MAN2A1: variants seen among roughly 807,000 people sequenced by gnomAD.
MAN2A1 encodes the protein alpha-mannosidase 2.
Under a neutral mutation model 142.6 loss-of-function variants are expected in MAN2A1, and 76 were observed. That is an observed-to-expected ratio of 0.53 (90% CI 0.44 to 0.65). MAN2A1 has a LOEUF of 0.65. MAN2A1 is among the 30% of genes least tolerant of loss of function. The probability of loss-of-function intolerance (pLI) is 0.00; values close to 1 mark genes in which losing one functional copy is unlikely to be tolerated. For missense variants in MAN2A1, 1,311 were observed against 1,365.1 expected (o/e 0.96, Z 0.62); for synonymous variants, 559 against 473.2 (o/e 1.18, Z -2.35).
chr5:109,780,038 G>A (rs912001920), intron 8 of MAN2A1, among the ~76,000 whole-genome samples: 8 of 151,822 alleles, frequency 5.3e-5, no homozygotes, highest in African/African-American at 1.9e-4. Context: ...TACCATTATT[G>A]GCCAGTCATG....
intron 3 of MAN2A1, among the ~76,000 whole-genome samples, chr5:109,723,852 C>A (rs1022483569): frequency 5.3e-5 from 8 of 152,198 alleles, no homozygotes; most frequent in African/African-American, 1.7e-4. Flanking sequence ...GATGACTAAT[C>A]TAAGAATCTT....
intron 1 of MAN2A1, among the ~76,000 whole-genome samples, chr5:109,707,432 C>T (rs1375511172): frequency 6.6e-6 from 1 of 151,754 alleles, no homozygotes; most frequent in African/African-American, 2.4e-5. Context: ...CTGCTGTGTG[C>T]TAGGTAGGTA....
chr5:109,733,369 A>G (rs533713993), intron 4 of MAN2A1, among the ~76,000 whole-genome samples: 202 of 152,186 alleles, frequency 1.3e-3, no homozygotes, highest in African/African-American at 4.2e-3. Flanking sequence ...TCTCCTGCCT[A>G]ATTTCCCTGG....
chr5:109,699,929 T>C (rs1382412566), intron 1 of MAN2A1: 2 of 152,234 alleles, frequency 1.3e-5, no homozygotes, highest in Non-Finnish European at 1.5e-5. Context: ...GCAGTATATG[T>C]CAGGTAGTTT....
At chr5:109,706,277 A>G (rs1198545132) in intron 1 of MAN2A1, among the ~76,000 whole-genome samples, 1 of 152,228 alleles carries the variant, frequency 6.6e-6, no homozygotes, top group Non-Finnish European at 1.5e-5. Flanking sequence ...GGTTGGCTTC[A>G]GAGTCTGTTC....
intron 4 of MAN2A1, among the ~76,000 whole-genome samples, chr5:109,746,352 A>G (rs1158792976): frequency 2.0e-5 from 3 of 152,188 alleles, no homozygotes; most frequent in Non-Finnish European, 2.9e-5. Context: ...AGTTTAATTT[A>G]CTTTTTAATA....
chr5:109,854,910 A>G (rs535634688), intron 19 of MAN2A1: 47 of 358,498 alleles, frequency 1.3e-4, no homozygotes, highest in African/African-American at 9.0e-4. Context: ...TATTAAATCA[A>G]TGGAAGATAT....
At chr5:109,735,560 G>A (rs1266727504) in intron 4 of MAN2A1, among the ~76,000 whole-genome samples, 1 of 152,008 alleles carries the variant, frequency 6.6e-6, no homozygotes, top group Non-Finnish European at 1.5e-5. Flanking sequence ...CCACTGTCTG[G>A]CACTCTCTAG....
intron 12 of MAN2A1, among the ~76,000 whole-genome samples, chr5:109,799,651 G>A (rs895381126): frequency 1.2e-4 from 18 of 152,008 alleles, no homozygotes; most frequent in Admixed American, 3.3e-4. Flanking sequence ...CTACTTGGGA[G>A]GCTAAAGCAG....
In MAN2A1 at chr5:109,866,870, A is replaced by C. The variant is rs1755896157; in HGVS notation, c.3307A>C (p.Lys1103Gln). Residue 1103 changes from lysine (K) to glutamine (Q), a missense_variant, in exon 22 of 22, where the codon AAG becomes CAG. Physicochemically the swap from Lys to Gln is moderately conservative, Grantham distance 53 (BLOSUM62 1). This residue lies in a region of MAN2A1 where 890 missense variants were observed against 920.5 expected (regional missense o/e 0.97). Transcript: ENST00000261483. ...GKILVQKLLN[K>Q]FIVESLTPSS... ...GATATTGGTACAGAAACTTTTAAACAAGTTTATTGTCGAAAGTCTCACACC... is the reference window on the plus strand; with the variant it reads ...GATATTGGTACAGAAACTTTTAAACCAGTTTATTGTCGAAAGTCTCACACC... The C allele has an allele frequency of 6.2e-7, 1 of 1,608,164 alleles. No homozygotes were observed.
At chr5:109,695,192 T>A (rs1173932215) in intron 1 of MAN2A1, among the ~76,000 whole-genome samples, 2 of 152,216 alleles carry the variant, frequency 1.3e-5, no homozygotes, top group Non-Finnish European at 2.9e-5. Flanking sequence ...CTGTCTGTGG[T>A]CTGAAGATAG....
At chr5:109,712,489 T>C (rs976595411) in intron 1 of MAN2A1, among the ~76,000 whole-genome samples, 4 of 152,202 alleles carry the variant, frequency 2.6e-5, no homozygotes, top group African/African-American at 7.2e-5. Context: ...TCCCCTACTT[T>C]TGGGCGTTTG....
chr5:109,847,636 G>GT (rs1432768797), intron 18 of MAN2A1, 21 bp from the exon 19 acceptor site: 2 of 1,469,600 alleles, frequency 1.4e-6, no homozygotes. Context: ...AGTTTTGCTT[G>GT]TTTGTTTGTT....
intron 3 of MAN2A1, among the ~76,000 whole-genome samples, chr5:109,725,029 T>TTATATGTTTGCAGTATATGTTTGCAG (rs1751703872): frequency 6.6e-6 from 1 of 152,192 alleles, no homozygotes; most frequent in Non-Finnish European, 1.5e-5. Context: ...ACTCTTGCTC[T>TTATATGTTTGCAGTATATGTTTGCAG]TATATGTTTG....
At chr5:109,774,746 A>G (rs768988006) in intron 7 of MAN2A1, 42 bp from the exon 8 acceptor site, 2 of 1,492,254 alleles carry the variant, frequency 1.3e-6, no homozygotes, top group South Asian at 2.5e-5. Flanking sequence ...TTTCTTAGTC[A>G]AATTCATATT....
At chr5:109,726,426 T>G (rs572906088) in intron 3 of MAN2A1, among the ~76,000 whole-genome samples, 2 of 152,358 alleles carry the variant, frequency 1.3e-5, no homozygotes, top group Non-Finnish European at 2.9e-5. Flanking sequence ...TGCAAGAGGC[T>G]ATCTTTCAGT....
chr5:109,709,917 T>C (rs1238019782), intron 1 of MAN2A1, among the ~76,000 whole-genome samples: 2 of 152,190 alleles, frequency 1.3e-5, no homozygotes, highest in Non-Finnish European at 2.9e-5. Flanking sequence ...CTCAGCATAA[T>C]TGAAGCATTA....
chr5:109,714,587 T>C (rs888824852), intron 2 of MAN2A1, among the ~76,000 whole-genome samples: 1 of 152,226 alleles, frequency 6.6e-6, no homozygotes, highest in African/African-American at 2.4e-5. Flanking sequence ...TTCACTCACA[T>C]TGGCTCTGCA....
intron 19 of MAN2A1, among the ~76,000 whole-genome samples, chr5:109,850,520 TGA>T (rs1755457239): frequency 6.6e-6 from 1 of 152,226 alleles, no homozygotes; most frequent in Non-Finnish European, 1.5e-5. Context: ...ATACCATTCT[TGA>T]GACTCATATT....
Sources: gnomAD v4.1 joint callset for allele counts (sites outside exome capture counted in the v4.1 genomes callset) on GRCh38, gnomAD v4.1.1 for gene constraint, gnomAD v4.1.1 regional missense constraint, MANE v1.5 for transcripts, NCBI Gene and HGNC (gene_info 2026-07-23, HGNC 2026-07-21) for gene names.